Variants in COTL1 observed in about 807,000 individuals in gnomAD.
COTL1 encodes coactosin-like protein.
In COTL1, 15 loss-of-function variants were observed where a neutral mutation model predicts 16.5. The observed-to-expected ratio is 0.91, with a 90% CI of 0.61 to 1.40. The LOEUF is 1.40. Among genes scored for constraint, COTL1 ranks in the 40% most tolerant of loss-of-function variants. COTL1 has a pLI of 0.00. For missense variants in COTL1, 220 were observed against 201.5 expected, an observed-to-expected ratio of 1.09 and a Z score of -0.56; for synonymous variants, 112 against 85.3, an observed-to-expected ratio of 1.31 and a Z score of -1.73.
intron 3 of COTL1, among the ~76,000 whole-genome samples, chr16:84,571,426 CG>C (rs565156758): frequency 1.1e-4 from 16 of 152,242 alleles, no homozygotes; most frequent in African/African-American, 3.4e-4. Flanking sequence ...AACTGAGGCT[CG>C]GCGAGTGACA....
intron 3 of COTL1, among the ~76,000 whole-genome samples, chr16:84,582,030 G>C (rs1203467835): frequency 6.5e-5 from 8 of 123,498 alleles, no homozygotes; most frequent in Admixed American, 3.9e-4. Context: ...CTGTTGCCCA[G>C]GCTGGAGTGC....
At chr16:84,602,370 C>T (rs1415318630) in intron 2 of COTL1, among the ~76,000 whole-genome samples, 1 of 146,756 alleles carries the variant, frequency 6.8e-6, no homozygotes, top group Non-Finnish European at 1.5e-5. Flanking sequence ...CAGCCTGGGC[C>T]ACAGTGAGAC....
At chr16:84,607,975 T>A (rs1166618663) in intron 2 of COTL1, among the ~76,000 whole-genome samples, 1 of 152,096 alleles carries the variant, frequency 6.6e-6, no homozygotes, top group Non-Finnish European at 1.5e-5. Flanking sequence ...AAAGGAGAAC[T>A]AGGCAAGTCT....
intron 3 of COTL1, among the ~76,000 whole-genome samples, chr16:84,573,782 C>CAT (rs1904388687): frequency 6.6e-6 from 1 of 151,008 alleles, no homozygotes; most frequent in Admixed American, 6.6e-5. Flanking sequence ...CACACACACA[C>CAT]ACACACACAC....
intron 3 of COTL1, among the ~76,000 whole-genome samples, chr16:84,588,513 C>A (rs928131724): frequency 1.3e-5 from 2 of 151,964 alleles, no homozygotes; most frequent in African/African-American, 4.8e-5. Context: ...GTTTGTTTTT[C>A]TTTTTGCAAC....
At chr16:84,588,371 C>A (rs796204831) in intron 3 of COTL1, among the ~76,000 whole-genome samples, 1 of 152,174 alleles carries the variant, frequency 6.6e-6, no homozygotes, top group Non-Finnish European at 1.5e-5. Context: ...TACTGTGGTA[C>A]ATTTGTCACA....
chr16:84,588,221 A>AAAT lies in COTL1; in HGVS notation c.318+1881_318+1883dup, dbSNP rs57708132. Among the ~76,000 whole-genome samples, 922 of 150,340 alleles carry AAAT rather than the reference A, an allele frequency of 6.1e-3. 11 individuals are homozygous for AAAT. The highest frequency in any genetic ancestry group is 0.021 in the African/African-American group (843 of 40,804). ...TATAGTGAGATCCTGTCTCTCTTAA[A>AAAT]AATAATAATAATAATAATAATAATT... On this transcript the variant is annotated intron_variant, in intron 3 of 3. Coordinates refer to ENST00000262428, the MANE Select transcript of COTL1 (RefSeq NM_021149.5).
intron 3 of COTL1, among the ~76,000 whole-genome samples, chr16:84,578,006 G>C (rs572006130): frequency 9.2e-5 from 14 of 152,168 alleles, no homozygotes; most frequent in African/African-American, 3.4e-4. Flanking sequence ...GCTTCATCTA[G>C]ACCAGGCATG....
At chr16:84,567,753 T>C (rs986087196) in intron 3 of COTL1, 2 of 152,274 alleles carry the variant, frequency 1.3e-5, no homozygotes, top group Non-Finnish European at 1.5e-5. Context: ...GCACCCATGA[T>C]GCACTCAGTA....
intron 2 of COTL1, among the ~76,000 whole-genome samples, chr16:84,601,384 G>T (rs1905103483): frequency 6.6e-6 from 1 of 152,242 alleles, no homozygotes; most frequent in Admixed American, 6.5e-5. Context: ...ATCAAGGAAA[G>T]AAGGAAATCC....
chr16:84,605,619 G>A (rs1043294914), intron 2 of COTL1, among the ~76,000 whole-genome samples: 7 of 152,194 alleles, frequency 4.6e-5, no homozygotes, highest in African/African-American at 1.2e-4. Flanking sequence ...ATGAGGACTC[G>A]ACCTGCCAGT....
intron 2 of COTL1, among the ~76,000 whole-genome samples, chr16:84,612,355 G>T (rs1051570866): frequency 1.3e-5 from 2 of 152,188 alleles, no homozygotes; most frequent in African/African-American, 4.8e-5. Context: ...AGGGTCTAAT[G>T]CGTGTCCACA....
intron 3 of COTL1, among the ~76,000 whole-genome samples, chr16:84,569,683 TTC>T (rs1466272098): frequency 6.6e-6 from 1 of 152,216 alleles, no homozygotes; most frequent in Non-Finnish European, 1.5e-5. Context: ...TTGAGATCCT[TTC>T]TGTTCCCACC....
Position 84,590,047 on chromosome 16 carries a change from T to G in COTL1, c.318+58A>C. 6.4e-7 allele frequency: 1 copy of G among 1,554,568 alleles called. No homozygotes were observed. The highest frequency in any genetic ancestry group is 1.2e-5 in the South Asian group (1 of 83,978). On this transcript the variant is annotated intron_variant, in intron 3 of 3. Coordinates refer to ENST00000262428, the MANE Select transcript of COTL1 (RefSeq NM_021149.5). The surrounding 1 kb of genome is among the most constrained non-coding windows in gnomAD (Gnocchi z 5.5). ...GAGTCGAACCCAGCCCTCTCCCTCC[T>G]TGCAGGATGGTGACCCTTGGCGAGC...
chr16:84,567,929 T>C (rs578207809), intron 3 of COTL1: 2 of 149,446 alleles, frequency 1.3e-5, no homozygotes, highest in African/African-American at 5.0e-5. Context: ...AAACCACAAA[T>C]AACACGTCTA....
Position 84,566,463 on chromosome 16 carries a change from G to C in COTL1, c.*382C>G, listed in dbSNP as rs1273484314. On this transcript the variant is annotated 3_prime_UTR_variant, in exon 4 of 4. Coordinates refer to ENST00000262428, the MANE Select transcript of COTL1 (RefSeq NM_021149.5). The stretch of plus-strand genomic sequence containing the variant: ...ATAGGCCCGGGCTCTGGAAAGCAAC[G>C]TGAGGTCATGCAGATCTCACTAGGC... 1 of 163,960 alleles carries C rather than the reference G, an allele frequency of 6.1e-6. No homozygotes were observed. The highest frequency in any genetic ancestry group is 1.3e-5 in the Non-Finnish European group (1 of 75,796). 10.2% of individuals were successfully genotyped at this position (163,960 alleles called of 1,614,324 possible).
chr16:84,617,120 C>A (rs569369381), intron 2 of COTL1, among the ~76,000 whole-genome samples: 4 of 152,318 alleles, frequency 2.6e-5, no homozygotes, highest in Non-Finnish European at 5.9e-5. Flanking sequence ...CCCTTCCAAG[C>A]AGCCCCCTAG....
intron 3 of COTL1, among the ~76,000 whole-genome samples, chr16:84,579,221 G>T (rs140923604): frequency 6.6e-6 from 1 of 152,260 alleles, no homozygotes; most frequent in Non-Finnish European, 1.5e-5. Flanking sequence ...AACAGGCCGG[G>T]CATGGTGGCT....
chr16:84,602,881 G>T (rs1905129550), intron 2 of COTL1, among the ~76,000 whole-genome samples: 1 of 151,904 alleles, frequency 6.6e-6, no homozygotes, highest in Non-Finnish European at 1.5e-5. Context: ...GGAAAGGGAA[G>T]GCCAAAAAGG....
Sources: gnomAD v4.1 joint callset for allele counts (sites outside exome capture counted in the v4.1 genomes callset) on GRCh38, gnomAD v4.1.1 for gene constraint, Gnocchi (gnomAD v3.1) non-coding constraint, MANE v1.5 for transcripts, NCBI Gene and HGNC (gene_info 2026-07-23, HGNC 2026-07-21) for gene names.